IGF1R: variants seen among roughly 807,000 people sequenced by gnomAD.
IGF1R encodes the protein insulin-like growth factor 1 receptor.
Under a neutral mutation model 144.6 loss-of-function variants are expected in IGF1R, and 44 were observed. The observed-to-expected ratio is 0.30, with a 90% CI of 0.24 to 0.39. The LOEUF is 0.39. Among genes scored for constraint, IGF1R ranks in the 10% least tolerant of loss-of-function variants. The pLI is 1.00. For synonymous variants in IGF1R, 795 were observed against 722.8 expected, an observed-to-expected ratio of 1.10 and a Z score of -1.60; for missense variants, 1,355 against 1,833.7, an observed-to-expected ratio of 0.74 and a Z score of 4.77.
chr15:98,663,820 A>C (rs2052659218), intron 1 of IGF1R, among the ~76,000 whole-genome samples: 1 of 152,224 alleles, frequency 6.6e-6, no homozygotes, highest in Non-Finnish European at 1.5e-5. Context: ...AGTCCTTACC[A>C]TGCAAGTGAA....
chr15:98,910,709 G>T (rs747426719), intron 6 of IGF1R, among the ~76,000 whole-genome samples: 3 of 152,214 alleles, frequency 2.0e-5, no homozygotes, highest in Non-Finnish European at 2.9e-5. Context: ...GGCCAAGTGA[G>T]ATCTTCTTGT....
chr15:98,739,463 T>C (rs890777454), intron 2 of IGF1R, among the ~76,000 whole-genome samples: 2 of 152,176 alleles, frequency 1.3e-5, no homozygotes, highest in Non-Finnish European at 2.9e-5. Context: ...ACTGATCAAA[T>C]GTTATGTCTT....
In IGF1R at chr15:98,964,212, ATTTT is replaced by A. The variant is rs926588671; in HGVS notation, c.*6774_*6777del. On this transcript the variant is annotated 3_prime_UTR_variant, in exon 21 of 21. Coordinates refer to ENST00000650285, the MANE Select transcript of IGF1R (RefSeq NM_000875.5). The stretch of plus-strand genomic sequence containing the variant: ...TTCTGAGTTTTCTTGTTAAAAAAAA[ATTTT>A]TTTAAGTAAGAAAAAAAAAGGTAAT... 9 of 232,552 alleles carry A rather than the reference ATTTT, an allele frequency of 3.9e-5. No individual in the cohort carries two copies. Among genetic ancestry groups the A allele is most frequent in the South Asian group, 3.6e-4 (2 of 5,520 alleles). The allele number at this position is 232,552 out of a possible 1,614,324, so 14.4% of individuals were successfully genotyped here.
chr15:98,811,672 A>G (rs1198967806), intron 2 of IGF1R, among the ~76,000 whole-genome samples: 1 of 151,970 alleles, frequency 6.6e-6, no homozygotes, highest in Non-Finnish European at 1.5e-5. Flanking sequence ...GACGCCTGTA[A>G]TCCCAGCACT....
intron 2 of IGF1R, among the ~76,000 whole-genome samples, chr15:98,818,504 T>G (rs144872869): frequency 1.6e-3 from 237 of 150,856 alleles, no homozygotes; most frequent in African/African-American, 5.5e-3. Flanking sequence ...GAGATGTTGG[T>G]GGCTTGAACC....
At chr15:98,772,510 A>ATTATTGTTATTG (rs60796484) in intron 2 of IGF1R, among the ~76,000 whole-genome samples, 94 of 141,948 alleles carry the variant, frequency 6.6e-4, no homozygotes, top group Non-Finnish European at 1.0e-3. Flanking sequence ...TATTATTATT[A>ATTATTGTTATTG]TTATTTTAAG....
intron 2 of IGF1R, among the ~76,000 whole-genome samples, chr15:98,749,658 A>G (rs2054956736): frequency 6.6e-6 from 1 of 152,236 alleles, no homozygotes; most frequent in Admixed American, 6.5e-5. Context: ...CTGACATTGT[A>G]ATGACATGAA....
At chr15:98,730,049 T>A (rs2054461936) in intron 2 of IGF1R, among the ~76,000 whole-genome samples, 1 of 152,198 alleles carries the variant, frequency 6.6e-6, no homozygotes, top group Non-Finnish European at 1.5e-5. Context: ...ATTTCTCAAA[T>A]ATGGTTCTGT....
intron 6 of IGF1R, among the ~76,000 whole-genome samples, chr15:98,909,615 G>C (rs2014911992): frequency 6.6e-6 from 1 of 152,138 alleles, no homozygotes; most frequent in Non-Finnish European, 1.5e-5. Context: ...CTACCCTTCT[G>C]CTCCCACAGA....
intron 2 of IGF1R, among the ~76,000 whole-genome samples, chr15:98,877,769 AT>A (rs1181221722): frequency 6.6e-6 from 1 of 152,176 alleles, no homozygotes; most frequent in Non-Finnish European, 1.5e-5. Context: ...GTGCAAAAAA[AT>A]CTACCTCCCT....
At position 98,791,791 on chromosome 15, in the gene IGF1R, A is replaced by G. The variant is rs980447264; in HGVS notation, c.640+83684A>G. On this transcript the variant is annotated intron_variant, in intron 2 of 20. Coordinates refer to ENST00000650285, the MANE Select transcript of IGF1R (RefSeq NM_000875.5). Reference sequence around the variant, plus strand: ...TAATCATTCTTTGTGTTGCATGGCAATTCTGTACAAATGGAAGGTAGCATG... The same window carrying G: ...TAATCATTCTTTGTGTTGCATGGCAGTTCTGTACAAATGGAAGGTAGCATG... Among the ~76,000 whole-genome samples the G allele has an allele frequency of 3.9e-5, 6 of 152,258 alleles. No homozygotes were observed. The East Asian group carries it at 9.6e-4, about 24-fold the overall frequency.
chr15:98,852,361 G>A (rs1189033020), intron 2 of IGF1R, among the ~76,000 whole-genome samples: 1 of 152,158 alleles, frequency 6.6e-6, no homozygotes, highest in Non-Finnish European at 1.5e-5. Flanking sequence ...CCGCGCCGCC[G>A]CCGTGGACCA....
At chr15:98,709,163 T>C (rs2053935317) in intron 2 of IGF1R, among the ~76,000 whole-genome samples, 3 of 152,230 alleles carry the variant, frequency 2.0e-5, no homozygotes, top group Admixed American at 2.0e-4. Flanking sequence ...CCATGTTCTC[T>C]AGTTATGAAG....
At chr15:98,956,220 C>T (rs1424101844) in intron 20 of IGF1R, among the ~76,000 whole-genome samples, 1 of 152,236 alleles carries the variant, frequency 6.6e-6, no homozygotes, top group Non-Finnish European at 1.5e-5. Flanking sequence ...CTGAGGGCCT[C>T]ACAGGTATTT....
At position 98,891,837 on chromosome 15, in the gene IGF1R, C is replaced by T. The variant is rs1324157982; in HGVS notation, c.953+200C>T. On this transcript the variant is annotated intron_variant, in intron 3 of 20. Coordinates refer to ENST00000650285, the MANE Select transcript of IGF1R (RefSeq NM_000875.5). The surrounding 1 kb of genome is among the most constrained non-coding windows in gnomAD (Gnocchi z 4.7). ...AATTGGCATGGCTTACCGCCCCCCT[C>T]ACCAGTTTGTTTTATATTTTAAGTG... is the stretch of plus-strand genomic sequence containing the variant. Among the ~76,000 whole-genome samples the T allele has an allele frequency of 2.0e-5, 3 of 152,222 alleles. No individual in the cohort carries two copies. Among genetic ancestry groups the T allele is most frequent in the Non-Finnish European group, 2.9e-5 (2 of 68,040 alleles).
chr15:98,865,794 G>A (rs918036151), intron 2 of IGF1R, among the ~76,000 whole-genome samples: 2 of 152,216 alleles, frequency 1.3e-5, no homozygotes, highest in Admixed American at 6.5e-5. Context: ...GAGGGCTCAG[G>A]ATTCCCGTGG....
intron 1 of IGF1R, among the ~76,000 whole-genome samples, chr15:98,654,930 G>C (rs2052450301): frequency 6.6e-6 from 1 of 152,190 alleles, no homozygotes; most frequent in African/African-American, 2.4e-5. Context: ...AGCAAGAGGA[G>C]GTTTTCCAGT....
intron 3 of IGF1R, among the ~76,000 whole-genome samples, chr15:98,892,961 A>T (rs2014002299): frequency 6.6e-6 from 1 of 152,174 alleles, no homozygotes; most frequent in African/African-American, 2.4e-5. Context: ...AGGCCGAAAT[A>T]AGCCAAAATC....
chr15:98,688,499 T>TTC (rs1333216658), intron 1 of IGF1R, among the ~76,000 whole-genome samples: 4 of 151,794 alleles, frequency 2.6e-5, no homozygotes, highest in African/African-American at 9.7e-5. Context: ...CGTTGGCACA[T>TTC]GTGGGAATGC....
Sources: allele counts gnomAD v4.1 joint callset (sites outside exome capture counted in the v4.1 genomes callset), GRCh38; gene constraint gnomAD v4.1.1; non-coding constraint Gnocchi (gnomAD v3.1); transcripts MANE v1.5; gene names NCBI Gene and HGNC (gene_info 2026-07-23, HGNC 2026-07-21).